Variants in ZMAT4 observed in about 807,000 individuals in gnomAD.
ZMAT4 encodes the protein zinc finger matrin-type 4.
Under a neutral mutation model 28.7 loss-of-function variants are expected in ZMAT4, and 17 were observed. That is an observed-to-expected ratio of 0.59 (90% CI 0.41 to 0.89). ZMAT4 has a LOEUF of 0.89. Ranked by LOEUF, ZMAT4 falls within the 40% of genes least tolerant of loss-of-function variation. The pLI is 0.00. For synonymous variants in ZMAT4, 117 were observed against 109.2 expected, an observed-to-expected ratio of 1.07 and a Z score of -0.44; for missense variants, 240 against 283.8, an observed-to-expected ratio of 0.85 and a Z score of 1.11.
intron 1 of ZMAT4, among the ~76,000 whole-genome samples, chr8:40,833,268 C>T (rs1336063624): frequency 6.6e-6 from 1 of 151,954 alleles, no homozygotes; most frequent in African/African-American, 2.4e-5. Context: ...AAGAAAAGTA[C>T]TCTAGAAATG....
Position 40,622,494 on chromosome 8 carries a change from A to C in ZMAT4, c.578-41233T>G, listed in dbSNP as rs551714509. Among the ~76,000 whole-genome samples, 3 of 152,366 alleles carry C rather than the reference A, an allele frequency of 2.0e-5. No individual in the cohort carries two copies. In the East Asian group the frequency reaches 5.8e-4, roughly 29 times the overall value. ...CATGTTACCAACTGGGTGAAGTTGC[A>C]CAAATCTCTTCCCTTTTCTGGGTTT... On this transcript the variant is annotated intron_variant, in intron 5 of 6. Coordinates refer to ENST00000297737, the MANE Select transcript of ZMAT4 (RefSeq NM_024645.3).
chr8:40,734,229 A>C (rs1046543476), intron 3 of ZMAT4, among the ~76,000 whole-genome samples: 8 of 152,180 alleles, frequency 5.3e-5, no homozygotes, highest in Non-Finnish European at 8.8e-5. Flanking sequence ...TCCAAATTTC[A>C]GGACATTTGG....
chr8:40,542,766 A>G (rs1011376344), intron 6 of ZMAT4, among the ~76,000 whole-genome samples: 1 of 152,242 alleles, frequency 6.6e-6, no homozygotes, highest in African/African-American at 2.4e-5. Flanking sequence ...ATGTAACAGA[A>G]TAAGTGAACT....
chr8:40,732,129 T>C (rs1002288261), intron 3 of ZMAT4, among the ~76,000 whole-genome samples: 1 of 152,142 alleles, frequency 6.6e-6, no homozygotes, highest in Non-Finnish European at 1.5e-5. Context: ...GAGAGAGTTC[T>C]AGAGACAGAC....
At chr8:40,626,323 A>G (rs1806380683) in intron 5 of ZMAT4, among the ~76,000 whole-genome samples, 1 of 152,144 alleles carries the variant, frequency 6.6e-6, no homozygotes, top group Non-Finnish European at 1.5e-5. Flanking sequence ...CTCAGAAACC[A>G]ATAGGAAATA....
chr8:40,748,262 G>A (rs532552308), intron 3 of ZMAT4, among the ~76,000 whole-genome samples: 8 of 152,306 alleles, frequency 5.3e-5, no homozygotes, highest in Admixed American at 3.9e-4. Context: ...TTTGCTATAC[G>A]GAGTCACAGA....
At chr8:40,589,738 T>TTCTTTCTTTCTTTCTTTCTTTCTG (rs1365365060) in intron 5 of ZMAT4, among the ~76,000 whole-genome samples, 1 of 146,668 alleles carries the variant, frequency 6.8e-6, no homozygotes, top group African/African-American at 2.5e-5. Flanking sequence ...TTTCCTTTCT[T>TTCTTTCTTTCTTTCTTTCTTTCTG]TCTTTCTTTC....
At position 40,547,191 on chromosome 8, in the gene ZMAT4, C is replaced by T. The variant is rs73675525; in HGVS notation, c.675-14953G>A. ...CACCAGTTTTCCCACAGTCTGTGTG[C>T]GGGCAACCCAGCCTGGGAGCCAGGA... On this transcript the variant is annotated intron_variant, in intron 6 of 6. Transcript: ENST00000297737. Among the ~76,000 whole-genome samples the T allele has an allele frequency of 2.2e-3, 334 of 152,290 alleles. 1 individual carries two copies. The highest frequency in any genetic ancestry group is 7.8e-3 in the African/African-American group (325 of 41,562).
In ZMAT4 at chr8:40,872,553, G is replaced by A. The variant is rs1817898983; in HGVS notation, c.-5+25130C>T. ...CCTCTCTGCCTTAGTGAGCTGTTGG[G>A]GGTAAGGGGTGGGCCTTAGGGGGCC... is the stretch of plus-strand genomic sequence containing the variant. On this transcript the variant is annotated intron_variant, in intron 1 of 6. Coordinates refer to ENST00000297737, the MANE Select transcript of ZMAT4 (RefSeq NM_024645.3). Among the ~76,000 whole-genome samples the A allele has an allele frequency of 2.6e-5, 4 of 152,330 alleles. No homozygotes were observed. The South Asian group carries it at 8.3e-4, about 32-fold the overall frequency.
At chr8:40,761,293 T>G (rs996355929) in intron 3 of ZMAT4, among the ~76,000 whole-genome samples, 1 of 152,168 alleles carries the variant, frequency 6.6e-6, no homozygotes. Flanking sequence ...GTATTGCTAA[T>G]TTTTCAAAGG....
chr8:40,697,911 A>G (rs1809968765), intron 3 of ZMAT4, among the ~76,000 whole-genome samples: 1 of 152,200 alleles, frequency 6.6e-6, no homozygotes, highest in Non-Finnish European at 1.5e-5. Flanking sequence ...TGAGCCTGGC[A>G]TGGTGAAGGA....
chr8:40,717,234 A>G (rs1810895756), intron 3 of ZMAT4, among the ~76,000 whole-genome samples: 1 of 152,192 alleles, frequency 6.6e-6, no homozygotes, highest in Non-Finnish European at 1.5e-5. Flanking sequence ...TGAGATTTCC[A>G]CTCACCATTT....
At chr8:40,559,976 A>G (rs959962815) in intron 6 of ZMAT4, among the ~76,000 whole-genome samples, 1 of 151,970 alleles carries the variant, frequency 6.6e-6, no homozygotes, top group Non-Finnish European at 1.5e-5. Flanking sequence ...CGCAGAGGAG[A>G]TACTGGGGCT....
chr8:40,891,473 C>T lies in ZMAT4; in HGVS notation c.-5+6210G>A, dbSNP rs771777127. Among the ~76,000 whole-genome samples the T allele has an allele frequency of 6.8e-4, 104 of 152,086 alleles. 3 individuals carry two copies. The highest frequency in any genetic ancestry group is 1.9e-4 in the Non-Finnish European group (13 of 67,968). On this transcript the variant is annotated intron_variant, in intron 1 of 6. Coordinates refer to ENST00000297737, the MANE Select transcript of ZMAT4 (RefSeq NM_024645.3). ...TTCTGGGCTGACGCACCGCTCTTCC[C>T]GCATCTGCACCTTCCCAAGCTTGAG... is the stretch of plus-strand genomic sequence containing the variant.
intron 1 of ZMAT4, among the ~76,000 whole-genome samples, chr8:40,864,054 C>T (rs1045179918): frequency 6.6e-6 from 1 of 152,224 alleles, no homozygotes; most frequent in Non-Finnish European, 1.5e-5. Flanking sequence ...TGCATGGAAT[C>T]TGATTCCCGG....
intron 3 of ZMAT4, among the ~76,000 whole-genome samples, chr8:40,738,043 T>C (rs966228979): frequency 6.6e-6 from 1 of 151,742 alleles, no homozygotes; most frequent in African/African-American, 2.4e-5. Flanking sequence ...ATTGGATGGG[T>C]TGGAAAGAAA....
At chr8:40,677,677 T>C (rs1168212514) in intron 4 of ZMAT4, among the ~76,000 whole-genome samples, 3 of 152,164 alleles carry the variant, frequency 2.0e-5, no homozygotes, top group Non-Finnish European at 4.4e-5. Context: ...TCTGTGTGTG[T>C]ACATGAACCC....
intron 5 of ZMAT4, among the ~76,000 whole-genome samples, chr8:40,644,428 G>A (rs370606407): frequency 3.3e-5 from 5 of 152,154 alleles, no homozygotes; most frequent in African/African-American, 1.2e-4. Context: ...AGTGATTTGA[G>A]TATATCAAAG....
intron 6 of ZMAT4, among the ~76,000 whole-genome samples, chr8:40,563,702 C>T (rs1467937622): frequency 6.6e-6 from 1 of 152,136 alleles, no homozygotes; most frequent in Non-Finnish European, 1.5e-5. Context: ...TTCTGCTTGA[C>T]TTGATAAGGT....
Sources: gnomAD v4.1 joint callset for allele counts (sites outside exome capture counted in the v4.1 genomes callset) on GRCh38, gnomAD v4.1.1 for gene constraint, MANE v1.5 for transcripts, NCBI Gene and HGNC (gene_info 2026-07-23, HGNC 2026-07-21) for gene names.